Variants in GINS3 observed in about 807,000 individuals in gnomAD.
GINS3 encodes GINS complex subunit 3, also known as DNA replication complex GINS protein PSF3.
GINS3 carries 18 observed loss-of-function variants against 20.0 expected under a neutral mutation model. The ratio of observed to expected loss-of-function variants is 0.90; its 90% confidence interval spans 0.62 to 1.33. The LOEUF (loss-of-function observed/expected upper bound fraction) is 1.33. Among genes scored for constraint, GINS3 ranks in the 40% most tolerant of loss-of-function variants. GINS3 has a pLI of 0.00. For missense variants in GINS3, 254 were observed against 273.6 expected (o/e 0.93, Z 0.51); for synonymous variants, 109 against 107.0 (o/e 1.02, Z -0.12).
Position 58,392,735 on chromosome 16 carries a change from C to T in GINS3, c.134C>T (p.Ala45Val), listed in dbSNP as rs750048605. 9.9e-6 allele frequency: 16 copies of T among 1,613,898 alleles called. No individual in the cohort carries two copies. The highest frequency in any genetic ancestry group is 1.3e-5 in the African/African-American group (1 of 74,954). ...RTETAMPRLG[A>V]FFLERSAGAE... is the part of the protein sequence containing the mutation. ...GAGACCGCCATGCCTCGCCTTGGCG[C>T]TTTCTTCCTGGAGCGGAGCGCAGGC... is the stretch of plus-strand genomic sequence containing the variant. Residue 45 changes from alanine (A) to valine (V), a missense_variant, in exon 1 of 3, where the codon GCT (alanine) becomes GTT (valine). Physicochemically the swap from Ala to Val is moderately conservative, Grantham distance 64. Transcript: ENST00000318129.
rs753965914 is a variant in GINS3 at position 58,404,518 on chromosome 16, G to A, written c.440G>A (p.Arg147His). The A allele has an allele frequency of 1.5e-5, 24 of 1,613,834 alleles. No individual in the cohort carries two copies. Among genetic ancestry groups the A allele is most frequent in the African/African-American group, 2.7e-5 (2 of 74,844 alleles). Residue 147 changes from arginine to histidine, a missense_variant, in exon 3 of 3, where the codon CGC (arginine) becomes CAC (histidine). Transcript: ENST00000318129. ...TCCCAGACTTTTATCGGACGTTTTC[G>A]CCGCATCATGGACTCCTCACAGAAT... ...SLLQTFIGRF[R>H]RIMDSSQNAY...
intron 1 of GINS3, among the ~76,000 whole-genome samples, chr16:58,400,482 C>T (rs184784075): frequency 6.6e-6 from 1 of 152,312 alleles, no homozygotes; most frequent in Admixed American, 6.5e-5. Flanking sequence ...AGCAGGTGTT[C>T]AACATGAATC....
At chr16:58,397,176 G>C (rs529692537) in intron 1 of GINS3, among the ~76,000 whole-genome samples, 19 of 150,560 alleles carry the variant, frequency 1.3e-4, no homozygotes, top group African/African-American at 4.7e-4. Context: ...AGACGGGGTG[G>C]TTGCCAGGCA....
intron 1 of GINS3, among the ~76,000 whole-genome samples, chr16:58,397,757 G>C (rs1965900790): frequency 1.3e-5 from 2 of 152,188 alleles, no homozygotes; most frequent in African/African-American, 4.8e-5. Flanking sequence ...GATGGCAGCA[G>C]TACAGTCCAG....
Position 58,401,352 on chromosome 16 carries a change from T to G in GINS3, c.187-1746T>G, listed in dbSNP as rs114941929. 5.1e-3 allele frequency among the ~76,000 whole-genome samples: 776 copies of G among 152,188 alleles called. 7 individuals carry two copies. Among genetic ancestry groups the G allele is most frequent in the African/African-American group, 0.016 (679 of 41,530 alleles). ...TGGGGATCCAAAGAGTGAGCAGCCA[T>G]CAAGACTTACTGTGAAGAGCTAAAG... On this transcript the variant is annotated intron_variant, in intron 1 of 2. Coordinates refer to ENST00000318129, the MANE Select transcript of GINS3 (RefSeq NM_022770.4).
chr16:58,402,125 C>G (rs1215753999), intron 1 of GINS3, among the ~76,000 whole-genome samples: 2 of 152,126 alleles, frequency 1.3e-5, no homozygotes, highest in African/African-American at 2.4e-5. Context: ...TTGACCTTTT[C>G]TCATTCACAG....
At chr16:58,398,500 T>C (rs1446814171) in intron 1 of GINS3, among the ~76,000 whole-genome samples, 2 of 152,020 alleles carry the variant, frequency 1.3e-5, no homozygotes. Context: ...TCACAGCTAC[T>C]CAGGAGGCTG....
rs1261682690 is a variant in GINS3 at position 58,406,009 on chromosome 16, G to T, written c.*1280G>T. ...GTTGTTTTTATAATTTGATTTTAGT[G>T]CTAAATAAATGATTGGCTTTGTACA... On this transcript the variant is annotated 3_prime_UTR_variant, in exon 3 of 3. Transcript: ENST00000318129. 1 of 152,222 alleles carries T rather than the reference G, an allele frequency of 6.6e-6. No homozygotes were observed. The highest frequency in any genetic ancestry group is 1.5e-5 in the Non-Finnish European group (1 of 68,050). 9.4% of individuals were successfully genotyped at this position (152,222 alleles called of 1,614,324 possible). A position where few individuals can be genotyped will look rare whatever the true frequency, so the allele number is the denominator to read the frequency against.
At chr16:58,401,237 G>A (rs1350843093) in intron 1 of GINS3, among the ~76,000 whole-genome samples, 4 of 152,130 alleles carry the variant, frequency 2.6e-5, no homozygotes, top group Non-Finnish European at 5.9e-5. Flanking sequence ...TGTGTCCGGA[G>A]TTTCTTTCTT....
intron 1 of GINS3, chr16:58,395,272 CTTTTTTT>C: frequency 4.7e-6 from 1 of 210,800 alleles, no homozygotes; most frequent in East Asian, 6.7e-5. Flanking sequence ...TCTAAATTTT[CTTTTTTT>C]TTTTTTTCTA....
chr16:58,404,010 C>T (rs1156931014), intron 2 of GINS3: 2 of 160,734 alleles, frequency 1.2e-5, no homozygotes, highest in Admixed American at 1.2e-4. Flanking sequence ...CTATGTAATG[C>T]CGTGTAATAA....
Position 58,392,794 on chromosome 16 carries a change from C to A in GINS3, c.186+7C>A. ...TGACAACGCGGTCCCACAGGTGAGCCTTTGGGTGCGGGGTCCTGCCCGGAA... is the reference window on the plus strand; with the variant it reads ...TGACAACGCGGTCCCACAGGTGAGCATTTGGGTGCGGGGTCCTGCCCGGAA... On this transcript the variant is annotated splice_region_variant and intron_variant, in intron 1 of 2. Coordinates refer to ENST00000318129, the MANE Select transcript of GINS3 (RefSeq NM_022770.4). The A allele has an allele frequency of 6.3e-7, 1 of 1,592,982 alleles. No homozygotes were observed.
At chr16:58,392,909 G>T in intron 1 of GINS3, 122 bp downstream of exon 1, 1 of 1,069,658 alleles carries the variant, frequency 9.3e-7, no homozygotes, top group Non-Finnish European at 1.3e-6. Flanking sequence ...AGGAGCCAGG[G>T]CCGAAGGCGC....
At position 58,406,021 on chromosome 16, in the gene GINS3, A is replaced by C. The variant is rs1188651892; in HGVS notation, c.*1292A>C. The stretch of plus-strand genomic sequence containing the variant: ...ATTTGATTTTAGTGCTAAATAAATG[A>C]TTGGCTTTGTACATGAATATGTTCT... On this transcript the variant is annotated 3_prime_UTR_variant, in exon 3 of 3. Coordinates refer to ENST00000318129, the MANE Select transcript of GINS3 (RefSeq NM_022770.4). 1.3e-5 allele frequency: 2 copies of C among 152,248 alleles called. No homozygotes were observed. The highest frequency in any genetic ancestry group is 2.4e-5 in the African/African-American group (1 of 41,460). The allele number at this position is 152,248 out of a possible 1,614,324, so 9.4% of individuals were successfully genotyped here. A position where few individuals can be genotyped will look rare whatever the true frequency, so the allele number is the denominator to read the frequency against.
chr16:58,395,271 T>G lies in GINS3; in HGVS notation c.186+2484T>G, dbSNP rs369288605. On this transcript the variant is annotated intron_variant, in intron 1 of 2. Transcript: ENST00000318129. ...TTGTATTTTTTTTTTGTCTAAATTT[T>G]CTTTTTTTTTTTTTTCTATTTGTAC... 6.0e-3 allele frequency: 2,234 copies of G among 369,476 alleles called. 40 individuals are homozygous for G. The South Asian group carries it at 0.079, about 13-fold the overall frequency. The allele number at this position is 369,476 out of a possible 1,614,324, so 22.9% of individuals were successfully genotyped here.
At position 58,396,675 on chromosome 16, in the gene GINS3, G is replaced by A. The variant is rs1393343045; in HGVS notation, c.186+3888G>A. 5.3e-5 allele frequency among the ~76,000 whole-genome samples: 3 copies of A among 56,442 alleles called. No homozygotes were observed. The East Asian group carries it at 1.8e-3, about 35-fold the overall frequency. 37.0% of individuals were successfully genotyped at this position (56,442 alleles called of 152,430 possible). A position where few individuals can be genotyped will look rare whatever the true frequency, so the allele number is the denominator to read the frequency against. On this transcript the variant is annotated intron_variant, in intron 1 of 2. Transcript: ENST00000318129. Reference sequence around the variant, plus strand: ...TGGCCGGGCGGTGGGCTGACCCCCCGACCTCCCTCCCGGACGGGGCGGCTG... The same window carrying A: ...TGGCCGGGCGGTGGGCTGACCCCCCAACCTCCCTCCCGGACGGGGCGGCTG...
chr16:58,397,449 G>A (rs1567535766), intron 1 of GINS3, among the ~76,000 whole-genome samples: 1 of 151,466 alleles, frequency 6.6e-6, no homozygotes, highest in Non-Finnish European at 1.5e-5. Context: ...GGGGGGCCAA[G>A]GCAGGCAGCT....
At chr16:58,402,880 G>A (rs906877037) in intron 1 of GINS3, 1 of 568,054 alleles carries the variant, frequency 1.8e-6, no homozygotes, top group East Asian at 2.9e-5. Flanking sequence ...CCATGTTTTT[G>A]TTGTATAAAT....
At chr16:58,404,162 C>T (rs776718440) in intron 2 of GINS3, 2 of 237,972 alleles carry the variant, frequency 8.4e-6, no homozygotes, top group Non-Finnish European at 1.6e-5. Flanking sequence ...TCATTTCTTC[C>T]TCTTGGGACA....
Sources: gnomAD v4.1 joint callset for allele counts (sites outside exome capture counted in the v4.1 genomes callset) on GRCh38, gnomAD v4.1.1 for gene constraint, MANE v1.5 for transcripts, NCBI Gene and HGNC (gene_info 2026-07-23, HGNC 2026-07-21) for gene names.